The following ZKSCAN7 variants were observed in gnomAD, a reference collection of about 807,000 sequenced individuals.
ZKSCAN7 encodes the protein zinc finger with KRAB and SCAN domains 7, also known as zinc finger protein with KRAB and SCAN domains 7.
In ZKSCAN7, 38 loss-of-function variants were observed where a neutral mutation model predicts 65.3. The observed-to-expected ratio is 0.58, with a 90% CI of 0.45 to 0.76. ZKSCAN7 has a LOEUF of 0.76. ZKSCAN7 is among the 30% of genes least tolerant of loss of function. The pLI is 0.00. For synonymous variants in ZKSCAN7, 321 were observed against 321.0 expected (o/e 1.00, Z 0.00); for missense variants, 815 against 913.3 (o/e 0.89, Z 1.39).
intron 2 of ZKSCAN7, among the ~76,000 whole-genome samples, chr3:44,561,489 T>C (rs965326046): frequency 1.3e-5 from 2 of 152,126 alleles, no homozygotes; most frequent in Admixed American, 1.3e-4. Flanking sequence ...AATACAATTA[T>C]CCCTTCTCAA....
downstream of ZKSCAN7, among the ~76,000 whole-genome samples, chr3:44,572,440 G>A (rs1268003897): frequency 6.6e-6 from 1 of 151,910 alleles, no homozygotes; most frequent in Admixed American, 6.6e-5. Flanking sequence ...GTGTGAATGT[G>A]TGTGTATCTA....
intron 5 of ZKSCAN7, among the ~76,000 whole-genome samples, chr3:44,569,552 T>TATGGTTGGAAGGGATC (rs1278708253): frequency 6.6e-5 from 10 of 152,290 alleles, no homozygotes; most frequent in African/African-American, 2.4e-4. Context: ...CATGCAATGT[T>TATGGTTGGAAGGGATC]ATGGTTGGAA....
At chr3:44,556,105 G>A (rs1367010652) in intron 1 of ZKSCAN7, among the ~76,000 whole-genome samples, 2 of 152,206 alleles carry the variant, frequency 1.3e-5, no homozygotes, top group African/African-American at 2.4e-5. Context: ...TAAGCCTAGC[G>A]TGATCAGGAA....
chr3:44,580,798 A>T, intron 5 of ZKSCAN7: 1 of 1,612,868 alleles, frequency 6.2e-7, no homozygotes, highest in Admixed American at 1.7e-5. Context: ...CCATGCTCGT[A>T]AAGGATGAAG....
chr3:44,579,979 G>C (rs572481897), intron 5 of ZKSCAN7: 44 of 1,588,734 alleles, frequency 2.8e-5, no homozygotes, highest in African/African-American at 2.1e-4. Flanking sequence ...GGAGCTTGGG[G>C]GGGGGCTTCA....
downstream of ZKSCAN7, among the ~76,000 whole-genome samples, chr3:44,575,181 A>T (rs1353732011): frequency 3.9e-5 from 6 of 152,204 alleles, no homozygotes. Flanking sequence ...CTTTAGTCCT[A>T]GGTATTCAGG....
intron 2 of ZKSCAN7, chr3:44,557,708 G>A (rs1699340656): frequency 5.2e-6 from 3 of 581,114 alleles, no homozygotes; most frequent in Non-Finnish European, 8.8e-6. Context: ...GCTTCATCCT[G>A]GAGATTCGCA....
chr3:44,563,591 A>G (rs997270907), intron 2 of ZKSCAN7, among the ~76,000 whole-genome samples: 4 of 152,156 alleles, frequency 2.6e-5, no homozygotes, highest in Non-Finnish European at 5.9e-5. Flanking sequence ...ACACTTTTAA[A>G]CAATCAGATT....
chr3:44,570,992 C>G lies in ZKSCAN7; in HGVS notation c.1882C>G (p.Leu628Val). ...LSKCLIRHQR[L>V]HTGEKPYKCN... ...TAAATGTCTTATTCGGCACCAGAGA[C>G]TTCACACGGGTGAAAAGCCCTATAA... The change falls in exon 6 of 6, where the codon CTT becomes GTT. Residue 628 changes from leucine (L) to valine (V), a missense_variant. Leu to Val is a conservative substitution (Grantham distance 32, BLOSUM62 1). This residue lies in a region of ZKSCAN7 where 578 missense variants were observed against 629.5 expected (regional missense o/e 0.92). Transcript: ENST00000426540. 1 of 1,614,156 alleles carries G rather than the reference C, an allele frequency of 6.2e-7. No individual in the cohort carries two copies. Among genetic ancestry groups the G allele is most frequent in the Non-Finnish European group, 8.5e-7 (1 of 1,180,042 alleles).
chr3:44,579,469 C>T (rs764305484), intron 5 of ZKSCAN7, among the ~76,000 whole-genome samples: 9 of 152,168 alleles, frequency 5.9e-5, no homozygotes, highest in South Asian at 2.1e-4. Flanking sequence ...GCTCAGGGTC[C>T]GGCTCCCCCG....
Position 44,570,329 on chromosome 3 carries a change from G to A in ZKSCAN7, c.1219G>A (p.Gly407Arg). ...TATTGGCCATCAGAGAATCCACACTGGAGAGAAACCCTATGAGTGTAATGA... is the reference window on the plus strand; with the variant it reads ...TATTGGCCATCAGAGAATCCACACTAGAGAGAAACCCTATGAGTGTAATGA... The part of the protein sequence containing the change: ...HLIGHQRIHT[G>R]EKPYECNECG... Residue 407 changes from glycine to arginine, a missense_variant, in exon 6 of 6, where the codon GGA becomes AGA. By Grantham distance (125) the Gly-to-Arg change is moderately radical. Around this residue, in one of 3 missense-constraint regions of ZKSCAN7, gnomAD observed 578 missense variants for 629.5 expected, o/e 0.92. Transcript: ENST00000426540. 6.2e-7 allele frequency: 1 copy of A among 1,614,142 alleles called. No individual in the cohort carries two copies. The highest frequency in any genetic ancestry group is 8.5e-7 in the Non-Finnish European group (1 of 1,180,018).
At chr3:44,581,172 C>G (rs945542979) in intron 5 of ZKSCAN7, 2 of 826,934 alleles carry the variant, frequency 2.4e-6, no homozygotes, top group African/African-American at 3.7e-5. Context: ...GCTCGCTGCA[C>G]GCGCCGAGGC....
In ZKSCAN7 at chr3:44,570,472, C is replaced by T. The variant is rs754040191; in HGVS notation, c.1362C>T (p.Leu454=). The change falls in exon 6 of 6, where the codon CTC becomes CTT. Residue 454 remains leucine (L), a synonymous_variant. Coordinates refer to ENST00000426540, the MANE Select transcript of ZKSCAN7 (RefSeq NM_001288590.2). ...AGGCCTATAGGCACAGCTCCCATCTCATTCAACACCAGAGACTCCATAATG... is the reference window on the plus strand; with the variant it reads ...AGGCCTATAGGCACAGCTCCCATCTTATTCAACACCAGAGACTCCATAATG... ...CGKAYRHSSH[L]IQHQRLHNGE... 7 of 1,614,136 alleles carry T rather than the reference C, an allele frequency of 4.3e-6. No individual in the cohort carries two copies. Among genetic ancestry groups the T allele is most frequent in the Non-Finnish European group, 5.9e-6 (7 of 1,180,010 alleles).
At chr3:44,574,485 A>C (rs1409973583), downstream of ZKSCAN7, among the ~76,000 whole-genome samples, 1 of 152,204 alleles carries the variant, frequency 6.6e-6, no homozygotes, top group African/African-American at 2.4e-5. Flanking sequence ...CAGGTCTTCT[A>C]TGTCTTGTTC....
At chr3:44,565,683 A>G (rs1699612500) in intron 3 of ZKSCAN7, 28 bp downstream of exon 3, 1 of 1,544,994 alleles carries the variant, frequency 6.5e-7, no homozygotes, top group Non-Finnish European at 8.7e-7. Context: ...TTTGGCCTTA[A>G]GTCATGCCTC....
chr3:44,578,305 T>C (rs555336229), intron 5 of ZKSCAN7: 1 of 1,589,146 alleles, frequency 6.3e-7, no homozygotes. Flanking sequence ...GTATTTCCGA[T>C]TCCTATATCC....
In ZKSCAN7 at chr3:44,557,378, C is replaced by G. The variant is rs767975850; in HGVS notation, c.331C>G (p.Arg111Gly). 2 of 1,614,224 alleles carry G rather than the reference C, an allele frequency of 1.2e-6. No individual in the cohort carries two copies. Among genetic ancestry groups the G allele is most frequent in the Non-Finnish European group, 8.5e-7 (1 of 1,180,044 alleles). The change falls in exon 2 of 6, where the codon CGG becomes GGG. Residue 111 changes from arginine (R) to glycine (G), a missense_variant. Around this residue, in one of 3 missense-constraint regions of ZKSCAN7, gnomAD observed 227 missense variants for 253.3 expected, o/e 0.90. Transcript: ENST00000426540. ...QFLSILPGEL[R>G]TWVQLHHPES... ...CCTGAGCATCCTCCCTGGGGAGCTC[C>G]GGACCTGGGTGCAGCTGCATCACCC... is the stretch of plus-strand genomic sequence containing the variant.
chr3:44,572,157 C>G lies in ZKSCAN7; in HGVS notation c.*782C>G. On this transcript the variant is annotated 3_prime_UTR_variant, in exon 6 of 6. Transcript: ENST00000426540. ...GTTAAATAAATAATTTTTAAAATCT[C>G]AGCTCTCACATTGAATTATCCTTAA... The G allele has an allele frequency of 1.0e-6, 1 of 985,388 alleles. No individual in the cohort carries two copies. Among genetic ancestry groups the G allele is most frequent in the Non-Finnish European group, 1.2e-6 (1 of 829,918 alleles). The allele number at this position is 985,388 out of a possible 1,614,324, so 61.0% of individuals were successfully genotyped here.
intron 1 of ZKSCAN7, 80 bp from the exon 2 acceptor site, chr3:44,556,850 G>GT (rs1699308355): frequency 2.8e-6 from 2 of 718,248 alleles, no homozygotes; most frequent in South Asian, 1.8e-5. Flanking sequence ...CTGGAGCTTT[G>GT]TTTTTTAACT....
Sources: gnomAD v4.1 joint callset for allele counts (sites outside exome capture counted in the v4.1 genomes callset) on GRCh38, gnomAD v4.1.1 for gene constraint, gnomAD v4.1.1 regional missense constraint, MANE v1.5 for transcripts, NCBI Gene and HGNC (gene_info 2026-07-23, HGNC 2026-07-21) for gene names.